Variants in TCF4 observed in about 807,000 individuals in gnomAD.
TCF4 encodes transcription factor 4.
TCF4 carries 3 observed loss-of-function variants against 82.1 expected under a neutral mutation model. That is an observed-to-expected ratio of 0.04 (90% CI 0.02 to 0.09). The LOEUF (loss-of-function observed/expected upper bound fraction) is 0.09, where lower values mean the gene tolerates loss of function less well. TCF4 is among the 10% of genes least tolerant of loss of function. The probability of loss-of-function intolerance (pLI) is 1.00; values close to 1 mark genes in which losing one functional copy is unlikely to be tolerated. For synonymous variants in TCF4, 276 were observed against 309.6 expected, an observed-to-expected ratio of 0.89 and a Z score of 1.14; for missense variants, 518 against 852.7, an observed-to-expected ratio of 0.61 and a Z score of 4.89.
At chr18:55,630,235 TGAGAA>T (rs2097730314) in intron 2 of TCF4, among the ~76,000 whole-genome samples, 1 of 152,226 alleles carries the variant, frequency 6.6e-6, no homozygotes, top group Non-Finnish European at 1.5e-5. Context: ...TTTAATTACT[TGAGAA>T]GAGCGTGCTT....
chr18:55,467,808 T>C (rs2096064921), intron 3 of TCF4, among the ~76,000 whole-genome samples: 1 of 152,196 alleles, frequency 6.6e-6, no homozygotes, highest in South Asian at 2.1e-4. Context: ...AAACTGTTCC[T>C]CACCTCTCAA....
At chr18:55,330,176 A>ATTTTTTTTTTTTTTTTTT (rs3077897) in intron 8 of TCF4, among the ~76,000 whole-genome samples, 2 of 110,478 alleles carry the variant, frequency 1.8e-5, no homozygotes, top group Non-Finnish European at 3.5e-5. Context: ...GCAATGTTGG[A>ATTTTTTTTTTTTTTTTTT]TTTTTTTTTT....
At chr18:55,580,677 C>T (rs913294129) in intron 3 of TCF4, among the ~76,000 whole-genome samples, 11 of 151,724 alleles carry the variant, frequency 7.3e-5, no homozygotes, top group African/African-American at 2.7e-4. Context: ...TCACAGATAG[C>T]ATTTCGTGCG....
At chr18:55,541,256 G>A (rs2097162996) in intron 3 of TCF4, among the ~76,000 whole-genome samples, 1 of 151,912 alleles carries the variant, frequency 6.6e-6, no homozygotes, top group Non-Finnish European at 1.5e-5. Context: ...AATCACAATT[G>A]TAGGATTCCC....
At chr18:55,458,070 A>G (rs2144676553) in intron 5 of TCF4, among the ~76,000 whole-genome samples, 1 of 143,792 alleles carries the variant, frequency 7.0e-6, no homozygotes, top group East Asian at 2.0e-4. Context: ...CAAAAAAAGG[A>G]AAAAAAAAAA....
At chr18:55,474,734 T>A (rs755754846) in intron 3 of TCF4, among the ~76,000 whole-genome samples, 1 of 151,956 alleles carries the variant, frequency 6.6e-6, no homozygotes, top group Non-Finnish European at 1.5e-5. Flanking sequence ...CTTCCCATAT[T>A]TTACATTTTT....
At chr18:55,542,455 A>C (rs1003377928) in intron 3 of TCF4, among the ~76,000 whole-genome samples, 6 of 152,008 alleles carry the variant, frequency 3.9e-5, no homozygotes, top group Non-Finnish European at 8.8e-5. Flanking sequence ...TGGCACCCAA[A>C]ATGTACTGTA....
At chr18:55,399,880 T>TCA (rs398041380) in intron 6 of TCF4, among the ~76,000 whole-genome samples, 2,923 of 63,446 alleles carry the variant, frequency 0.046, 76 homozygotes, top group East Asian at 0.082. Context: ...TCTCTCTCTC[T>TCA]CACACACACA....
intron 6 of TCF4, among the ~76,000 whole-genome samples, chr18:55,363,534 T>G (rs2086041094): frequency 6.6e-6 from 1 of 152,202 alleles, no homozygotes; most frequent in Non-Finnish European, 1.5e-5. Flanking sequence ...CTGGGCGTAG[T>G]AGCTCATGCC....
chr18:55,458,145 G>A (rs1180274482), intron 5 of TCF4, among the ~76,000 whole-genome samples: 2 of 152,058 alleles, frequency 1.3e-5, no homozygotes, highest in East Asian at 3.8e-4. Flanking sequence ...TGTAGCAGAC[G>A]CCTAATTCAG....
intron 8 of TCF4, chr18:55,321,629 A>G: frequency 6.5e-7 from 1 of 1,536,076 alleles, no homozygotes. Context: ...TGCGACAATA[A>G]AACTTGTCAA....
At chr18:55,338,211 C>T (rs531403018) in intron 8 of TCF4, among the ~76,000 whole-genome samples, 9 of 152,294 alleles carry the variant, frequency 5.9e-5, no homozygotes, top group South Asian at 2.1e-4. Context: ...CACCGTGCGA[C>T]GACAAGCAGT....
At chr18:55,508,339 C>T (rs933648893) in intron 3 of TCF4, among the ~76,000 whole-genome samples, 1 of 152,156 alleles carries the variant, frequency 6.6e-6, no homozygotes, top group Admixed American at 6.6e-5. Context: ...TCCGTTATAG[C>T]AATTCTACCA....
At chr18:55,361,276 A>T (rs1026632740) in intron 6 of TCF4, among the ~76,000 whole-genome samples, 1 of 151,956 alleles carries the variant, frequency 6.6e-6, no homozygotes, top group Non-Finnish European at 1.5e-5. Context: ...ACCCATAGCC[A>T]ATCTAGTAGT....
At chr18:55,379,086 C>T (rs963199823) in intron 6 of TCF4, among the ~76,000 whole-genome samples, 2 of 152,206 alleles carry the variant, frequency 1.3e-5, no homozygotes, top group Non-Finnish European at 2.9e-5. Flanking sequence ...GATGACCTCC[C>T]TGTTTCAAAG....
intron 2 of TCF4, among the ~76,000 whole-genome samples, chr18:55,602,024 A>C (rs1211246732): frequency 1.3e-5 from 2 of 152,102 alleles, no homozygotes; most frequent in African/African-American, 4.8e-5. Flanking sequence ...ACGGGATGTC[A>C]TGCCATGTTT....
intron 3 of TCF4, among the ~76,000 whole-genome samples, chr18:55,575,236 A>C (rs2097517664): frequency 6.6e-6 from 1 of 152,248 alleles, no homozygotes; most frequent in East Asian, 1.9e-4. Flanking sequence ...CACAGTGGCC[A>C]TAAGAGAACA....
intron 6 of TCF4, among the ~76,000 whole-genome samples, chr18:55,374,150 G>T (rs1603411072): frequency 6.6e-6 from 1 of 152,068 alleles, no homozygotes; most frequent in Non-Finnish European, 1.5e-5. Flanking sequence ...AAGGGATGCA[G>T]CCAAAGCTGT....
intron 6 of TCF4, among the ~76,000 whole-genome samples, chr18:55,391,212 T>A (rs1338224130): frequency 1.3e-5 from 2 of 152,150 alleles, no homozygotes; most frequent in African/African-American, 4.8e-5. Context: ...CAATTCACAG[T>A]TCAAATGTAA....
Sources: allele counts gnomAD v4.1 joint callset (sites outside exome capture counted in the v4.1 genomes callset), GRCh38; gene constraint gnomAD v4.1.1; transcripts MANE v1.5; gene names NCBI Gene and HGNC (gene_info 2026-07-23, HGNC 2026-07-21).